CTNNA2: variants seen among roughly 807,000 people sequenced by gnomAD.
CTNNA2 encodes the protein catenin alpha-2.
Under a neutral mutation model 101.0 loss-of-function variants are expected in CTNNA2, and 42 were observed. The ratio of observed to expected loss-of-function variants is 0.42; its 90% CI spans 0.32 to 0.54. The LOEUF is 0.54. CTNNA2 is among the 20% of genes least tolerant of loss of function. CTNNA2 has a pLI of 0.14. For synonymous variants in CTNNA2, 450 were observed against 456.4 expected, an observed-to-expected ratio of 0.99 and a Z score of 0.18; for missense variants, 871 against 1,223.1, an observed-to-expected ratio of 0.71 and a Z score of 4.29.
chr2:79,411,205 G>T (rs1011972392), intron 4 of CTNNA2, among the ~76,000 whole-genome samples: 7 of 151,078 alleles, frequency 4.6e-5, no homozygotes, highest in Admixed American at 2.0e-4. Flanking sequence ...TTCTTTATTA[G>T]TCTTGCTAGC....
At chr2:79,410,540 T>C (rs1044702020) in intron 4 of CTNNA2, among the ~76,000 whole-genome samples, 2 of 152,210 alleles carry the variant, frequency 1.3e-5, no homozygotes, top group African/African-American at 4.8e-5. Context: ...AAAGTTCTTT[T>C]CTGCATCTAT....
At chr2:79,565,293 C>G (rs1178256640) in intron 1 of CTNNA2, among the ~76,000 whole-genome samples, 2 of 151,894 alleles carry the variant, frequency 1.3e-5, no homozygotes, top group Non-Finnish European at 2.9e-5. Flanking sequence ...AGCGAGAGTC[C>G]TCCTAGCTGG....
intron 1 of CTNNA2, among the ~76,000 whole-genome samples, chr2:79,631,721 G>T (rs1679710024): frequency 6.6e-6 from 1 of 152,094 alleles, no homozygotes; most frequent in African/African-American, 2.4e-5. Flanking sequence ...ACTTTCTAAA[G>T]CAGAAAAAAA....
intron 1 of CTNNA2, among the ~76,000 whole-genome samples, chr2:79,593,069 G>A (rs1357410393): frequency 6.6e-6 from 1 of 152,184 alleles, no homozygotes; most frequent in East Asian, 1.9e-4. Flanking sequence ...GGAATAGTTT[G>A]ACAAAATGGA....
rs181679346 is a variant in CTNNA2, at chr2:80,366,226, C to T, written c.1057-26985C>T. ...TCACAAAGAATATCTTCTTCATGGG[C>T]GTGCTCCTCTGAACATCAGCTCCTG... is the stretch of plus-strand genomic sequence containing the variant. On this transcript the variant is annotated intron_variant, in intron 7 of 18. Transcript: ENST00000402739. Among the ~76,000 whole-genome samples, 534 of 152,218 alleles carry T rather than the reference C, an allele frequency of 3.5e-3. 22 individuals carry two copies. The highest frequency in any genetic ancestry group is 8.9e-3 in the South Asian group (43 of 4,826).
chr2:79,618,102 G>A (rs1678753171), intron 1 of CTNNA2, among the ~76,000 whole-genome samples: 2 of 152,122 alleles, frequency 1.3e-5, no homozygotes, highest in African/African-American at 4.8e-5. Flanking sequence ...GAATAGGTTA[G>A]GTAATCCAGC....
intron 7 of CTNNA2, among the ~76,000 whole-genome samples, chr2:80,140,416 A>T (rs1401514176): frequency 6.6e-6 from 1 of 152,128 alleles, no homozygotes; most frequent in East Asian, 1.9e-4. Context: ...CCAGCTGTGA[A>T]GCATAAGCTT....
chr2:80,431,849 T>C (rs1182832501), intron 9 of CTNNA2, among the ~76,000 whole-genome samples: 2 of 152,222 alleles, frequency 1.3e-5, no homozygotes, highest in African/African-American at 4.8e-5. Context: ...TGACATTCTG[T>C]TATTAACTGA....
intron 6 of CTNNA2, among the ~76,000 whole-genome samples, chr2:79,884,645 G>T (rs1384167524): frequency 6.6e-6 from 1 of 151,804 alleles, no homozygotes; most frequent in Admixed American, 6.6e-5. Context: ...TGTTACCCTG[G>T]TATAGCAACT....
chr2:80,142,824 C>T (rs1216690186), intron 7 of CTNNA2, among the ~76,000 whole-genome samples: 1 of 152,098 alleles, frequency 6.6e-6, no homozygotes, highest in African/African-American at 2.4e-5. Flanking sequence ...GGACCCATGA[C>T]TGTATTCTCT....
At chr2:79,953,606 G>A (rs1179736657) in intron 7 of CTNNA2, among the ~76,000 whole-genome samples, 1 of 152,208 alleles carries the variant, frequency 6.6e-6, no homozygotes, top group Admixed American at 6.5e-5. Flanking sequence ...ACACAGACAG[G>A]CGATTATTGG....
chr2:79,715,154 C>T (rs1036220362), intron 2 of CTNNA2, among the ~76,000 whole-genome samples: 4 of 132,166 alleles, frequency 3.0e-5, no homozygotes, highest in Non-Finnish European at 4.6e-5. Context: ...TTGCAGTGAG[C>T]GAAGATCATG....
At chr2:79,691,936 G>A (rs1185057704) in intron 2 of CTNNA2, among the ~76,000 whole-genome samples, 3 of 152,060 alleles carry the variant, frequency 2.0e-5, no homozygotes, top group Non-Finnish European at 2.9e-5. Context: ...GAAAACTTAG[G>A]CAATACCATT....
rs1055630630 is a variant in CTNNA2 at position 80,537,406 on chromosome 2, G to A, written c.1291-7576G>A. Among the ~76,000 whole-genome samples, 18 of 152,226 alleles carry A rather than the reference G, an allele frequency of 1.2e-4. No homozygotes were observed. The South Asian group carries it at 1.7e-3, about 14-fold the overall frequency. On this transcript the variant is annotated intron_variant, in intron 9 of 18. Coordinates refer to ENST00000402739, the MANE Select transcript of CTNNA2 (RefSeq NM_001282597.3). ...ACATATGTGTGCATGTGTCTTTATAGTAGAATGATTTATAATCCTTTGGGT... is the reference window on the plus strand; with the variant it reads ...ACATATGTGTGCATGTGTCTTTATAATAGAATGATTTATAATCCTTTGGGT...
rs568999218 is a variant in CTNNA2 at position 79,721,271 on chromosome 2, G to T, written c.103-23116G>T. Among the ~76,000 whole-genome samples the T allele has an allele frequency of 9.8e-4, 149 of 152,108 alleles. 1 individual carries two copies. Among genetic ancestry groups the T allele is most frequent in the African/African-American group, 3.4e-3 (140 of 41,524 alleles). ...TAAATGTATTTCTTACACTTCTTCTGGGAAGTCCAAGATAGAAGATCTGGC... is the reference window on the plus strand; with the variant it reads ...TAAATGTATTTCTTACACTTCTTCTTGGAAGTCCAAGATAGAAGATCTGGC... On this transcript the variant is annotated intron_variant, in intron 2 of 18. Transcript: ENST00000402739.
intron 16 of CTNNA2, among the ~76,000 whole-genome samples, chr2:80,606,703 T>C (rs944030426): frequency 2.0e-4 from 30 of 152,064 alleles, no homozygotes; most frequent in South Asian, 8.3e-4. Flanking sequence ...AGAATGAGTA[T>C]TATCAAGGAC....
At chr2:79,824,176 C>G (rs1014785825) in intron 3 of CTNNA2, among the ~76,000 whole-genome samples, 1 of 152,124 alleles carries the variant, frequency 6.6e-6, no homozygotes, top group Admixed American at 6.5e-5. Context: ...TCAGATCTCC[C>G]CTGGAGTCCA....
chr2:79,188,791 A>G (rs1024115654), intron 1 of CTNNA2, among the ~76,000 whole-genome samples: 1 of 152,208 alleles, frequency 6.6e-6, no homozygotes, highest in Non-Finnish European at 1.5e-5. Flanking sequence ...CTGGAGAGTT[A>G]GTGTTGTGAA....
intron 9 of CTNNA2, among the ~76,000 whole-genome samples, chr2:80,512,020 G>A (rs940514798): frequency 6.6e-6 from 1 of 151,540 alleles, no homozygotes; most frequent in Non-Finnish European, 1.5e-5. Context: ...CATAGTGGTG[G>A]GCACCTGTAA....
Sources: gnomAD v4.1 joint callset for allele counts (sites outside exome capture counted in the v4.1 genomes callset) on GRCh38, gnomAD v4.1.1 for gene constraint, MANE v1.5 for transcripts, NCBI Gene and HGNC (gene_info 2026-07-23, HGNC 2026-07-21) for gene names.